Variants in N4BP2L1 observed in about 807,000 individuals in gnomAD.
N4BP2L1 encodes the protein NEDD4-binding protein 2-like 1.
In N4BP2L1, 12 loss-of-function variants were observed where a neutral mutation model predicts 21.2. The observed-to-expected ratio is 0.57, with a 90% CI of 0.36 to 0.92. N4BP2L1 has a LOEUF of 0.92. Ranked by LOEUF, N4BP2L1 falls within the 40% of genes least tolerant of loss-of-function variation. The probability of loss-of-function intolerance (pLI) is 0.01; values close to 1 mark genes in which losing one functional copy is unlikely to be tolerated. For missense variants in N4BP2L1, 259 were observed against 310.6 expected, an observed-to-expected ratio of 0.83 and a Z score of 1.25; for synonymous variants, 104 against 112.8, an observed-to-expected ratio of 0.92 and a Z score of 0.49.
intron 1 of N4BP2L1, among the ~76,000 whole-genome samples, chr13:32,419,145 C>T (rs933587975): frequency 2.6e-5 from 4 of 151,838 alleles, no homozygotes; most frequent in African/African-American, 4.8e-5. Flanking sequence ...ATAATCCCCA[C>T]GTCATGGGAA....
chr13:32,413,989 C>A (rs536398925), intron 1 of N4BP2L1, among the ~76,000 whole-genome samples: 7 of 149,328 alleles, frequency 4.7e-5, no homozygotes, highest in African/African-American at 1.7e-4. Context: ...TCAAGCGATT[C>A]TCCTGCCTCA....
At chr13:32,419,949 T>C (rs1593298065) in intron 1 of N4BP2L1, among the ~76,000 whole-genome samples, 3 of 152,290 alleles carry the variant, frequency 2.0e-5, no homozygotes, top group Admixed American at 2.0e-4. Context: ...AAGCTATAGA[T>C]GACATGGGCA....
At position 32,404,358 on chromosome 13, in the gene N4BP2L1, C is replaced by A; in HGVS notation, c.436G>T (p.Asp146Tyr). ...NNYEVIFREP[D>Y]TRWKFNVQEL... ...TGAACGTTGAATTTCCAGCGAGTGTCAGGTTCTCGGAATATAACTTCATAG... is the reference window on the plus strand; with the variant it reads ...TGAACGTTGAATTTCCAGCGAGTGTAAGGTTCTCGGAATATAACTTCATAG... The change falls in exon 4 of 5, where the codon GAC becomes TAC. Residue 146 changes from aspartate (D) to tyrosine (Y), a missense_variant. By Grantham distance (160) the Asp-to-Tyr change is radical. This residue lies in a region of N4BP2L1 where 91 missense variants were observed against 148.1 expected (regional missense o/e 0.61). Coordinates refer to ENST00000380130, the MANE Select transcript of N4BP2L1 (RefSeq NM_052818.3). 1 of 1,613,634 alleles carries A rather than the reference C, an allele frequency of 6.2e-7. No individual in the cohort carries two copies. Among genetic ancestry groups the A allele is most frequent in the South Asian group, 1.1e-5 (1 of 91,020 alleles).
At chr13:32,418,218 C>T (rs2074258716) in intron 1 of N4BP2L1, among the ~76,000 whole-genome samples, 1 of 152,168 alleles carries the variant, frequency 6.6e-6, no homozygotes. Flanking sequence ...TGTGTGCAGC[C>T]TTGAAACTTT....
At chr13:32,413,542 A>C (rs1380737973) in intron 1 of N4BP2L1, among the ~76,000 whole-genome samples, 1 of 152,208 alleles carries the variant, frequency 6.6e-6, no homozygotes, top group Non-Finnish European at 1.5e-5. Flanking sequence ...AAGTTCGATC[A>C]CTTGGCTAAA....
chr13:32,418,583 C>G (rs1000239538), intron 1 of N4BP2L1, among the ~76,000 whole-genome samples: 3 of 152,180 alleles, frequency 2.0e-5, no homozygotes, highest in Admixed American at 1.3e-4. Flanking sequence ...CCACCAGACC[C>G]CAGAATGGTA....
In N4BP2L1 at chr13:32,411,295, A is replaced by G. The variant is rs577842132; in HGVS notation, c.180-3523T>C. 1.7e-4 allele frequency among the ~76,000 whole-genome samples: 26 copies of G among 151,146 alleles called. No individual in the cohort carries two copies. The South Asian group carries it at 5.5e-3, about 32-fold the overall frequency. ...TCCTAACAAACAGGCAGACAAAACT[A>G]AGGGTGTTTTTCACCTTTAAGGCCA... On this transcript the variant is annotated intron_variant, in intron 1 of 4. Transcript: ENST00000380130.
intron 1 of N4BP2L1, among the ~76,000 whole-genome samples, chr13:32,418,496 A>C (rs1277921762): frequency 6.6e-6 from 1 of 152,194 alleles, no homozygotes; most frequent in Non-Finnish European, 1.5e-5. Flanking sequence ...TGCAGATGGG[A>C]AATGTGGGGT....
rs574381851 is a variant in N4BP2L1, at chr13:32,415,267, G to A, written c.180-7495C>T. Among the ~76,000 whole-genome samples the A allele has an allele frequency of 9.2e-5, 14 of 152,244 alleles. No homozygotes were observed. The South Asian group carries it at 1.9e-3, about 20-fold the overall frequency. On this transcript the variant is annotated intron_variant, in intron 1 of 4. Coordinates refer to ENST00000380130, the MANE Select transcript of N4BP2L1 (RefSeq NM_052818.3). ...GTTCCACACAGCCAAAGAGGCAAGG[G>A]GGCCCTGAAAACTAGTTTTATAGTT... is the stretch of plus-strand genomic sequence containing the variant.
At chr13:32,426,148 T>C (rs1250547933) in intron 1 of N4BP2L1, among the ~76,000 whole-genome samples, 1 of 152,194 alleles carries the variant, frequency 6.6e-6, no homozygotes, top group East Asian at 1.9e-4. Flanking sequence ...TTCCATTCTG[T>C]GTATCTTGCA....
chr13:32,420,995 C>T (rs550046478), intron 1 of N4BP2L1, among the ~76,000 whole-genome samples: 34 of 152,354 alleles, frequency 2.2e-4, no homozygotes, highest in Admixed American at 7.2e-4. Context: ...CATGCCCAGC[C>T]TCATTCTTTT....
intron 2 of N4BP2L1, 29 bp from the exon 3 acceptor site, chr13:32,407,367 C>A (rs772522336): frequency 5.0e-6 from 8 of 1,613,836 alleles, no homozygotes; most frequent in Admixed American, 3.3e-5. Context: ...TAACAGTGAA[C>A]AACATGCAAC....
intron 1 of N4BP2L1, 122 bp from the exon 2 acceptor site, chr13:32,407,894 T>C (rs2073622573): frequency 1.0e-5 from 12 of 1,152,254 alleles, no homozygotes; most frequent in Non-Finnish European, 1.5e-5. Context: ...AGGTTTGGAG[T>C]TGTTAAAATG....
chr13:32,408,807 T>C (rs957210117), intron 1 of N4BP2L1, among the ~76,000 whole-genome samples: 1 of 152,334 alleles, frequency 6.6e-6, no homozygotes, highest in South Asian at 2.1e-4. Context: ...TCAATGTCTT[T>C]TTTGCTGTTG....
At chr13:32,418,766 C>G (rs1016271034) in intron 1 of N4BP2L1, among the ~76,000 whole-genome samples, 3 of 152,208 alleles carry the variant, frequency 2.0e-5, no homozygotes, top group African/African-American at 4.8e-5. Flanking sequence ...GACATGGAGT[C>G]AAAGGAGATC....
chr13:32,419,982 G>C (rs973039570), intron 1 of N4BP2L1, among the ~76,000 whole-genome samples: 1 of 152,210 alleles, frequency 6.6e-6, no homozygotes, highest in Non-Finnish European at 1.5e-5. Context: ...GCCAGGTGTG[G>C]CCGAACCTGG....
In N4BP2L1 at chr13:32,404,339, T is replaced by C. The variant is rs753368209; in HGVS notation, c.455A>G (p.Asn152Ser). ...GAAGTACCTTGCTAACTCTTGAACG[T>C]TGAATTTCCAGCGAGTGTCAGGTTC... ...FREPDTRWKF[N>S]VQELARRNIH... The change falls in exon 4 of 5, where the codon AAC becomes AGC. Residue 152 changes from asparagine to serine, a missense_variant. Transcript: ENST00000380130. 3 of 1,613,756 alleles carry C rather than the reference T, an allele frequency of 1.9e-6. No individual in the cohort carries two copies. The highest frequency in any genetic ancestry group is 1.3e-5 in the African/African-American group (1 of 74,906).
At chr13:32,404,018 C>T (rs980174631) in intron 4 of N4BP2L1, among the ~76,000 whole-genome samples, 1 of 152,152 alleles carries the variant, frequency 6.6e-6, no homozygotes, top group East Asian at 1.9e-4. Context: ...CATGTGCAGT[C>T]CCATGCAGAT....
chr13:32,417,938 C>A (rs2074241779), intron 1 of N4BP2L1, among the ~76,000 whole-genome samples: 1 of 152,108 alleles, frequency 6.6e-6, no homozygotes, highest in African/African-American at 2.4e-5. Flanking sequence ...TTCTAAGCAG[C>A]AAAGCATTCA....
Sources: gnomAD v4.1 joint callset for allele counts (sites outside exome capture counted in the v4.1 genomes callset) on GRCh38, gnomAD v4.1.1 for gene constraint, gnomAD v4.1.1 regional missense constraint, MANE v1.5 for transcripts, NCBI Gene and HGNC (gene_info 2026-07-23, HGNC 2026-07-21) for gene names.